Variants in PCDHA10 observed in about 807,000 individuals in gnomAD.
PCDHA10 encodes protocadherin alpha-10.
PCDHA10 carries 45 observed loss-of-function variants against 61.2 expected under a neutral mutation model. That is an observed-to-expected ratio of 0.74 (90% CI 0.58 to 0.94). The LOEUF is 0.94. Among genes scored for constraint, PCDHA10 ranks in the 40% least tolerant of loss-of-function variants. The probability of loss-of-function intolerance (pLI) is 0.00; values close to 1 mark genes in which losing one functional copy is unlikely to be tolerated. For synonymous variants in PCDHA10, 602 were observed against 548.8 expected (o/e 1.10, Z -1.35); for missense variants, 1,278 against 1,236.2 (o/e 1.03, Z -0.51).
chr5:140,913,082 CA>C (rs1341633290), intron 1 of PCDHA10, among the ~76,000 whole-genome samples: 2 of 152,108 alleles, frequency 1.3e-5, no homozygotes, highest in Non-Finnish European at 2.9e-5. Flanking sequence ...TGTTTGGTAT[CA>C]GGATAATACT....
chr5:140,929,058 A>G (rs372120484), intron 1 of PCDHA10: 2 of 1,614,072 alleles, frequency 1.2e-6, no homozygotes, highest in African/African-American at 2.7e-5. Context: ...GTCGCTCTAC[A>G]GAGGATCTGA....
At position 140,982,439 on chromosome 5, in the gene PCDHA10, G is replaced by A. The variant is rs553328430; in HGVS notation, c.2448-36G>A. The A allele has an allele frequency of 6.8e-5, 109 of 1,613,560 alleles. 3 individuals carry two copies. In the South Asian group the frequency reaches 1.0e-3, roughly 15 times the overall value. On this transcript the variant is annotated intron_variant, in intron 2 of 3. Transcript: ENST00000307360. ...GAAGAAGAGATGGGAAAGAATTTAT[G>A]ATCTAACCGTTATCTGGGTCTGTGT... is the stretch of plus-strand genomic sequence containing the variant.
At chr5:140,987,296 A>G (rs782162576) in intron 3 of PCDHA10, among the ~76,000 whole-genome samples, 1 of 152,126 alleles carries the variant, frequency 6.6e-6, no homozygotes, top group African/African-American at 2.4e-5. Context: ...CAAGCCTTCT[A>G]TGTGATACCA....
intron 1 of PCDHA10, among the ~76,000 whole-genome samples, chr5:140,941,214 C>CTTCCTTTCTTT (rs1554214039): frequency 8.2e-6 from 1 of 122,414 alleles, no homozygotes; most frequent in Non-Finnish European, 1.7e-5. Context: ...TTTCTTTCTT[C>CTTCCTTTCTTT]CTTTCTTTCT....
intron 3 of PCDHA10, among the ~76,000 whole-genome samples, chr5:141,005,701 CAAAAAAAAAAAAAAAAA>C (rs59860837): frequency 2.6e-4 from 2 of 7,786 alleles, no homozygotes; most frequent in East Asian, 6.3e-3. Flanking sequence ...AACTCCGTCT[CAAAAAAAAAAAAAAAAA>C]AAAAAAAAAA....
intron 1 of PCDHA10, among the ~76,000 whole-genome samples, chr5:140,954,197 G>T (rs2153701837): frequency 6.6e-6 from 1 of 152,270 alleles, no homozygotes; most frequent in Non-Finnish European, 1.5e-5. Context: ...ATGGGCATTT[G>T]GGTTGATCCC....
At position 141,011,912 on chromosome 5, in the gene PCDHA10, T is replaced by C. The variant is rs573561005; in HGVS notation, c.*1975T>C. ...ATTATATTATCTATTTAGGCATTAA[T>C]ATAAAAGAGGTAGGAGTCTGTTATT... On this transcript the variant is annotated 3_prime_UTR_variant, in exon 4 of 4. Coordinates refer to ENST00000307360, the MANE Select transcript of PCDHA10 (RefSeq NM_018901.4). 4 of 153,808 alleles carry C rather than the reference T, an allele frequency of 2.6e-5. No individual in the cohort carries two copies. In the South Asian group the frequency reaches 8.3e-4, roughly 32 times the overall value. 9.5% of individuals were successfully genotyped at this position (153,808 alleles called of 1,614,324 possible).
chr5:140,877,338 C>G (rs1554169617), intron 1 of PCDHA10: 2 of 1,614,012 alleles, frequency 1.2e-6, no homozygotes, highest in South Asian at 2.2e-5. Flanking sequence ...ACATCCCGTT[C>G]CACGTGGGGC....
chr5:140,880,889 G>T (rs1554171573), intron 1 of PCDHA10, among the ~76,000 whole-genome samples: 1 of 152,130 alleles, frequency 6.6e-6, no homozygotes, highest in Admixed American at 6.6e-5. Context: ...GAAATGTAGG[G>T]CCAGATAGAA....
At chr5:140,983,138 G>C (rs1217034245) in intron 3 of PCDHA10, among the ~76,000 whole-genome samples, 1 of 152,170 alleles carries the variant, frequency 6.6e-6, no homozygotes, top group Non-Finnish European at 1.5e-5. Flanking sequence ...CTGACTTTTA[G>C]TGCCTTGGCA....
intron 1 of PCDHA10, chr5:140,966,488 C>T: frequency 2.3e-6 from 1 of 440,248 alleles, no homozygotes; most frequent in Non-Finnish European, 3.9e-6. Flanking sequence ...TTTCCCTCCC[C>T]CTGGAGCTGT....
chr5:140,907,697 C>T (rs1425951971), intron 1 of PCDHA10, among the ~76,000 whole-genome samples: 2 of 152,202 alleles, frequency 1.3e-5, no homozygotes, highest in African/African-American at 2.4e-5. Context: ...GTGGAAGTCC[C>T]TGTTGCTGAG....
intron 1 of PCDHA10, among the ~76,000 whole-genome samples, chr5:140,893,709 G>A (rs141117049): frequency 6.6e-6 from 1 of 152,250 alleles, no homozygotes; most frequent in East Asian, 1.9e-4. Flanking sequence ...AGCCTGTAAA[G>A]CTTCTGCTGA....
chr5:140,937,099 G>T (rs890589684), intron 1 of PCDHA10, among the ~76,000 whole-genome samples: 1 of 149,656 alleles, frequency 6.7e-6, no homozygotes, highest in Non-Finnish European at 1.5e-5. Flanking sequence ...GTGCAGTGGC[G>T]CAGTCTCGGC....
chr5:141,007,377 AC>A lies in PCDHA10; in HGVS notation c.2537-2248del, dbSNP rs1563708435. Among the ~76,000 whole-genome samples, 4 of 136,616 alleles carry A rather than the reference AC, an allele frequency of 2.9e-5. No individual in the cohort carries two copies. The East Asian group carries it at 8.7e-4, about 30-fold the overall frequency. The allele number at this position is 136,616 out of a possible 152,430, so 89.6% of individuals were successfully genotyped here. ...ACCAGCCTGGGCAACATGATGGAAC[AC>A]CATCTCTACTAAAATACAAAAAAAA... On this transcript the variant is annotated intron_variant, in intron 3 of 3. Transcript: ENST00000307360.
chr5:140,877,515 G>T (rs371100299), intron 1 of PCDHA10: 1 of 1,613,678 alleles, frequency 6.2e-7, no homozygotes, highest in African/African-American at 1.3e-5. Flanking sequence ...CGTCGTCGCG[G>T]GCCTCAGTGG....
chr5:140,877,674 G>T (rs2057278019), intron 1 of PCDHA10: 2 of 1,613,630 alleles, frequency 1.2e-6, no homozygotes, highest in East Asian at 4.5e-5. Flanking sequence ...GGTGCGCGCC[G>T]GGCAAGCCCA....
At chr5:140,897,009 A>G (rs550757061) in intron 1 of PCDHA10, among the ~76,000 whole-genome samples, 6 of 152,292 alleles carry the variant, frequency 3.9e-5, no homozygotes, top group African/African-American at 9.6e-5. Context: ...ATTTTTAAAT[A>G]TACAACTAAA....
intron 3 of PCDHA10, among the ~76,000 whole-genome samples, chr5:141,000,419 ATATTTTT>A (rs1397100244): frequency 3.9e-4 from 24 of 60,984 alleles, no homozygotes; most frequent in African/African-American, 1.8e-3. Flanking sequence ...ATATATATAT[ATATTTTT>A]TTTTTTTTTT....
Sources: gnomAD v4.1 joint callset for allele counts (sites outside exome capture counted in the v4.1 genomes callset) on GRCh38, gnomAD v4.1.1 for gene constraint, MANE v1.5 for transcripts, NCBI Gene and HGNC (gene_info 2026-07-23, HGNC 2026-07-21) for gene names.